CEP250: variants seen among roughly 807,000 people sequenced by gnomAD.
CEP250 encodes the protein centrosomal protein 250, also known as centrosome-associated protein CEP250.
Under a neutral mutation model 315.7 loss-of-function variants are expected in CEP250, and 242 were observed. The ratio of observed to expected loss-of-function variants is 0.77; its 90% CI spans 0.69 to 0.85. The LOEUF (loss-of-function observed/expected upper bound fraction) is 0.85, where lower values mean the gene tolerates loss of function less well. CEP250 is among the 40% of genes least tolerant of loss of function. CEP250 has a pLI of 0.00. For missense variants in CEP250, 2,515 were observed against 2,886.4 expected, an observed-to-expected ratio of 0.87 and a Z score of 2.95; for synonymous variants, 1,088 against 1,175.0, an observed-to-expected ratio of 0.93 and a Z score of 1.51.
rs2146783506 is a variant in CEP250 at position 35,472,733 on chromosome 20, T to C, written c.1111T>C (p.Leu371=). Residue 371 remains leucine (L), a synonymous_variant, in exon 12 of 35, where the codon TTG becomes CTG. Coordinates refer to ENST00000397527, the MANE Select transcript of CEP250 (RefSeq NM_007186.6). ...QGSGHENSLE[L]DSSIFSQFDY... ...CTCTGGTCATGAGAACTCTTTGGAA[T>C]TGGACTCTAGTATCTTCTCCCAGTT... The C allele has an allele frequency of 3.1e-6, 5 of 1,614,134 alleles. No individual in the cohort carries two copies. The highest frequency in any genetic ancestry group is 4.2e-6 in the Non-Finnish European group (5 of 1,179,992).
Position 35,466,221 on chromosome 20 carries a change from C to G in CEP250, c.492+17C>G, listed in dbSNP as rs2062874541. 8.9e-6 allele frequency: 14 copies of G among 1,566,044 alleles called. No homozygotes were observed. The highest frequency in any genetic ancestry group is 1.2e-5 in the Non-Finnish European group (14 of 1,153,896). On this transcript the variant is annotated intron_variant, in intron 7 of 34. Transcript: ENST00000397527. ...GAGCAGGAGGTAGGAAGAACGGGGA[C>G]TGGAACTGTGAGAGGAAGCCTGTGT...
At chr20:35,480,590 CTT>C (rs559422487) in intron 20 of CEP250, among the ~76,000 whole-genome samples, 11 of 122,116 alleles carry the variant, frequency 9.0e-5, no homozygotes, top group East Asian at 2.3e-4. Context: ...TTTTTTATAT[CTT>C]TTTTTTTTTT....
At chr20:35,493,093 T>A (rs2063742751) in intron 22 of CEP250, among the ~76,000 whole-genome samples, 1 of 152,068 alleles carries the variant, frequency 6.6e-6, no homozygotes, top group African/African-American at 2.4e-5. Context: ...TACATATGTA[T>A]ATACATATAT....
chr20:35,470,230 T>G (rs1406848969), intron 10 of CEP250: 1 of 554,086 alleles, frequency 1.8e-6, no homozygotes, highest in Non-Finnish European at 3.2e-6. Flanking sequence ...ATGTATGCAG[T>G]GTGTCCTTAC....
At position 35,516,104 on chromosome 20, in the gene CEP250, G is replaced by A. The variant is rs2064433469; in HGVS notation, c.*4478G>A. On this transcript the variant is annotated 3_prime_UTR_variant, in exon 35 of 35. Coordinates refer to ENST00000397527, the MANE Select transcript of CEP250 (RefSeq NM_007186.6). ...CTTGGCTCAGGTGGATGGGCTTGGA[G>A]GTAAAATAATTGAATGGGTCAGGGG... 1 of 152,338 alleles carries A rather than the reference G, an allele frequency of 6.6e-6. No homozygotes were observed. The highest frequency in any genetic ancestry group is 6.5e-5 in the Admixed American group (1 of 15,290). The allele number at this position is 152,338 out of a possible 1,614,324, so 9.4% of individuals were successfully genotyped here.
At position 35,504,982 on chromosome 20, in the gene CEP250, G is replaced by A. The variant is rs370454182; in HGVS notation, c.6613G>A (p.Asp2205Asn). The A allele has an allele frequency of 6.8e-6, 11 of 1,609,196 alleles. No individual in the cohort carries two copies. The highest frequency in any genetic ancestry group is 4.5e-5 in the East Asian group (2 of 44,786). The change falls in exon 30 of 35, where the codon GAC becomes AAC. Residue 2205 changes from aspartate (D) to asparagine (N), a missense_variant. Transcript: ENST00000397527. ...MFLQASVLER[D>N]SEQQRLQDEL... is the part of the protein sequence containing the mutation. ...CCTACAAGCCTCTGTCCTGGAGCGG[G>A]ACTCAGAACAGCAAAGGCTGCAGGT...
chr20:35,467,299 C>G lies in CEP250; in HGVS notation c.600-5C>G. 1 of 1,610,628 alleles carries G rather than the reference C, an allele frequency of 6.2e-7. No homozygotes were observed. Among genetic ancestry groups the G allele is most frequent in the Non-Finnish European group, 8.5e-7 (1 of 1,177,306 alleles). On this transcript the variant is annotated splice_polypyrimidine_tract_variant and splice_region_variant and intron_variant, in intron 8 of 34. Coordinates refer to ENST00000397527, the MANE Select transcript of CEP250 (RefSeq NM_007186.6). ...GAGTCTGCTGTTTTCCTTGCTTGTA[C>G]TCAGAGATCTGATGGAGCTAAAAGC... is the stretch of plus-strand genomic sequence containing the variant.
intron 4 of CEP250, among the ~76,000 whole-genome samples, chr20:35,462,933 T>G (rs1169412703): frequency 6.6e-6 from 1 of 152,066 alleles, no homozygotes; most frequent in Non-Finnish European, 1.5e-5. Flanking sequence ...GGCTAATATA[T>G]CTCTTTAAAG....
At chr20:35,499,254 G>A (rs1038060227) in intron 27 of CEP250, among the ~76,000 whole-genome samples, 4 of 152,122 alleles carry the variant, frequency 2.6e-5, no homozygotes, top group African/African-American at 9.7e-5. Flanking sequence ...CAGGTTGAAC[G>A]ACAAAAGTGA....
At chr20:35,470,018 G>A (rs1268068232) in intron 10 of CEP250, 32 bp downstream of exon 10, 4 of 1,475,096 alleles carry the variant, frequency 2.7e-6, no homozygotes, top group Non-Finnish European at 3.8e-6. Context: ...AAAGGAGTTG[G>A]GCGTGGGCTT....
At chr20:35,482,680 C>T (rs1461279088) in intron 20 of CEP250, among the ~76,000 whole-genome samples, 8 of 151,968 alleles carry the variant, frequency 5.3e-5, no homozygotes, top group Non-Finnish European at 1.2e-4. Context: ...CTGCCTCAGC[C>T]TCTAGAGTAG....
At chr20:35,479,613 G>T (rs758777739) in intron 18 of CEP250, 33 bp from the exon 19 acceptor site, 1 of 1,612,278 alleles carries the variant, frequency 6.2e-7, no homozygotes, top group Admixed American at 1.7e-5. Flanking sequence ...GGCTTGATGG[G>T]TAAGAAACTC....
intron 31 of CEP250, 66 bp from the exon 32 acceptor site, chr20:35,507,969 G>A (rs765594823): frequency 6.2e-7 from 1 of 1,607,748 alleles, no homozygotes; most frequent in Non-Finnish European, 8.5e-7. Flanking sequence ...TGGTCTGTGT[G>A]TCCTCTGTCT....
intron 10 of CEP250, among the ~76,000 whole-genome samples, chr20:35,470,506 A>G (rs1441914519): frequency 1.3e-5 from 2 of 152,104 alleles, no homozygotes; most frequent in Non-Finnish European, 2.9e-5. Flanking sequence ...TCCCAGCACT[A>G]TGGGAAGCTG....
In CEP250 at chr20:35,491,295, A is replaced by G. The variant is rs1388853835; in HGVS notation, c.2838A>G (p.Gln946=). 6.2e-7 allele frequency: 1 copy of G among 1,604,262 alleles called. No individual in the cohort carries two copies. Among genetic ancestry groups the G allele is most frequent in the Admixed American group, 1.7e-5 (1 of 58,734 alleles). ...QTQKELADAS[Q]QLERLRQDMK... ...AGAAGGAGCTAGCAGATGCCAGCCA[A>G]CAACTGGAACGACTGAGGCAGGACA... The change falls in exon 22 of 35, where the codon CAA becomes CAG. Residue 946 remains glutamine (Q), a synonymous_variant. Transcript: ENST00000397527.
chr20:35,508,200 C>A lies in CEP250; in HGVS notation c.6906+10C>A. 1 of 1,613,702 alleles carries A rather than the reference C, an allele frequency of 6.2e-7. No homozygotes were observed. The highest frequency in any genetic ancestry group is 1.1e-5 in the South Asian group (1 of 91,048). Reference sequence around the variant, plus strand: ...GAGTACCTTGGAGCAGGTGACCCCTCTTCTTGTCCAGTGGGCATGCATCTC... The same window carrying A: ...GAGTACCTTGGAGCAGGTGACCCCTATTCTTGTCCAGTGGGCATGCATCTC... On this transcript the variant is annotated intron_variant, in intron 32 of 34. Transcript: ENST00000397527.
At chr20:35,462,773 T>A (rs749172843) in intron 4 of CEP250, among the ~76,000 whole-genome samples, 16 of 152,206 alleles carry the variant, frequency 1.1e-4, no homozygotes, top group Non-Finnish European at 1.9e-4. Context: ...AATTTAATTT[T>A]ATTTTTGAGA....
Position 35,502,758 on chromosome 20 carries a change from G to A in CEP250, c.4389G>A (p.Leu1463=), listed in dbSNP as rs2064048529. The A allele has an allele frequency of 1.9e-6, 3 of 1,614,120 alleles. No individual in the cohort carries two copies. The highest frequency in any genetic ancestry group is 2.5e-6 in the Non-Finnish European group (3 of 1,180,056). The change falls in exon 30 of 35, where the codon CTG becomes CTA. Residue 1463 remains leucine, a synonymous_variant. Transcript: ENST00000397527. ...MQKAALELLS[L]DLKKRNQEVD... ...AGGCTGCTTTGGAATTGCTGTCTCT[G>A]GACCTGAAGAAGAGGAACCAAGAGG...
At chr20:35,480,856 G>C (rs2063327945) in intron 20 of CEP250, among the ~76,000 whole-genome samples, 1 of 152,026 alleles carries the variant, frequency 6.6e-6, no homozygotes, top group Non-Finnish European at 1.5e-5. Flanking sequence ...CTAAAGTGCA[G>C]GGTACAGCTG....
Sources: allele counts gnomAD v4.1 joint callset (sites outside exome capture counted in the v4.1 genomes callset), GRCh38; gene constraint gnomAD v4.1.1; transcripts MANE v1.5; gene names NCBI Gene and HGNC (gene_info 2026-07-23, HGNC 2026-07-21).